SLC8A2: variants seen among roughly 807,000 people sequenced by gnomAD.
SLC8A2 encodes the protein solute carrier family 8 member A2.
In SLC8A2, 14 loss-of-function variants were observed where a neutral mutation model predicts 70.2. That is an observed-to-expected ratio of 0.20 (90% CI 0.13 to 0.31). The LOEUF is 0.31. Among genes scored for constraint, SLC8A2 ranks in the 10% least tolerant of loss-of-function variants. The pLI is 1.00. For synonymous variants in SLC8A2, 575 were observed against 594.3 expected (o/e 0.97, Z 0.47); for missense variants, 779 against 1,320.1 (o/e 0.59, Z 6.35).
At chr19:47,433,274 T>A (rs898895100) in intron 8 of SLC8A2, among the ~76,000 whole-genome samples, 3 of 151,218 alleles carry the variant, frequency 2.0e-5, no homozygotes, top group Non-Finnish European at 3.0e-5. Context: ...CTCCACTAAA[T>A]GTACTCACTT....
rs557452351 is a variant in SLC8A2 at position 47,441,449 on chromosome 19, G to A, written c.1764-9C>T. 5 of 1,564,156 alleles carry A rather than the reference G, an allele frequency of 3.2e-6. No individual in the cohort carries two copies. The highest frequency in any genetic ancestry group is 2.2e-5 in the South Asian group (2 of 89,080). On this transcript the variant is annotated splice_polypyrimidine_tract_variant and intron_variant, in intron 4 of 9. Coordinates refer to ENST00000236877, the MANE Select transcript of SLC8A2 (RefSeq NM_015063.3). ...TCACCTGAAGAGTTTTCCTGTGCAGGGGGTAAGGGGGAGGCAGAACACTCA... is the reference window on the plus strand; with the variant it reads ...TCACCTGAAGAGTTTTCCTGTGCAGAGGGTAAGGGGGAGGCAGAACACTCA...
intron 3 of SLC8A2, among the ~76,000 whole-genome samples, chr19:47,450,865 G>T (rs146274620): frequency 1.3e-5 from 2 of 152,180 alleles, no homozygotes; most frequent in African/African-American, 4.8e-5. Flanking sequence ...ATTGATACAG[G>T]GGAAGCACCC....
In SLC8A2 at chr19:47,466,782, A is replaced by T. The variant is rs1477293144; in HGVS notation, c.-16-363T>A. On this transcript the variant is annotated intron_variant, in intron 1 of 9. Coordinates refer to ENST00000236877, the MANE Select transcript of SLC8A2 (RefSeq NM_015063.3). This position sits in a 1 kb window ranked among gnomAD's most constrained non-coding sequence, Gnocchi z 6.9. ...TAAAAGGACCTACAAGAATGTTCAT[A>T]GCAGGCCGGGTGCGGTGGCTACGCC... Among the ~76,000 whole-genome samples, 1 of 152,192 alleles carries T rather than the reference A, an allele frequency of 6.6e-6. No individual in the cohort carries two copies. Among genetic ancestry groups the T allele is most frequent in the Non-Finnish European group, 1.5e-5 (1 of 68,038 alleles).
chr19:47,453,062 AT>A (rs1235743565), intron 3 of SLC8A2, among the ~76,000 whole-genome samples: 1 of 152,138 alleles, frequency 6.6e-6, no homozygotes, highest in Non-Finnish European at 1.5e-5. Flanking sequence ...AAATGTTAGA[AT>A]TCTAGAATCT....
At chr19:47,434,327 G>T (rs1967000104) in intron 8 of SLC8A2, among the ~76,000 whole-genome samples, 1 of 152,184 alleles carries the variant, frequency 6.6e-6, no homozygotes, top group African/African-American at 2.4e-5. Flanking sequence ...GGCCTCAGCT[G>T]ACTTCCCCAG....
Position 47,468,299 on chromosome 19 carries a change from C to T in SLC8A2, c.-16-1880G>A, listed in dbSNP as rs1967489692. On this transcript the variant is annotated intron_variant, in intron 1 of 9. Coordinates refer to ENST00000236877, the MANE Select transcript of SLC8A2 (RefSeq NM_015063.3). This position sits in a 1 kb window ranked among gnomAD's most constrained non-coding sequence, Gnocchi z 5.1. Reference sequence around the variant, plus strand: ...TTCCCCCTTCCTCGAACACGCTTCTCTATTTATGTATTTTTGAGACGGGAT... The same window carrying T: ...TTCCCCCTTCCTCGAACACGCTTCTTTATTTATGTATTTTTGAGACGGGAT... 6.6e-6 allele frequency among the ~76,000 whole-genome samples: 1 copy of T among 152,110 alleles called. No individual in the cohort carries two copies. The highest frequency in any genetic ancestry group is 2.1e-4 in the South Asian group (1 of 4,820).
intron 4 of SLC8A2, among the ~76,000 whole-genome samples, chr19:47,444,317 A>C (rs1599849132): frequency 6.6e-6 from 1 of 152,160 alleles, no homozygotes. Flanking sequence ...CAAAAGACGC[A>C]TCTCAACACA....
At chr19:47,438,849 A>G (rs1333357387) in intron 6 of SLC8A2, among the ~76,000 whole-genome samples, 1 of 152,124 alleles carries the variant, frequency 6.6e-6, no homozygotes, top group Non-Finnish European at 1.5e-5. Context: ...CCTACACCTG[A>G]CCTCAAACCT....
chr19:47,437,768 T>C (rs1212224028), intron 7 of SLC8A2, 81 bp downstream of exon 7: 21 of 1,552,888 alleles, frequency 1.4e-5, no homozygotes, highest in Non-Finnish European at 1.8e-5. Flanking sequence ...CTTAGGAACC[T>C]TGTGGCTCCC....
chr19:47,437,654 C>T (rs1259583235), intron 7 of SLC8A2, 93 bp from the exon 8 acceptor site: 4 of 1,198,560 alleles, frequency 3.3e-6, no homozygotes, highest in South Asian at 2.5e-5. Flanking sequence ...ACAGCCTGTG[C>T]CCAGGGGTCC....
chr19:47,459,181 C>A (rs749503085), intron 2 of SLC8A2, among the ~76,000 whole-genome samples: 1 of 151,730 alleles, frequency 6.6e-6, no homozygotes, highest in Non-Finnish European at 1.5e-5. Context: ...CCATCTCCCC[C>A]ACATTTCTCT....
intron 3 of SLC8A2, among the ~76,000 whole-genome samples, chr19:47,451,336 T>G (rs1483601339): frequency 6.6e-6 from 1 of 150,604 alleles, no homozygotes; most frequent in Non-Finnish European, 1.5e-5. Flanking sequence ...TGAGACAGGG[T>G]CTTGTTCTGT....
intron 4 of SLC8A2, among the ~76,000 whole-genome samples, chr19:47,442,294 C>T (rs11878777): frequency 0.7 from 106,927 of 151,956 alleles, 39,523 homozygotes; most frequent in Middle Eastern, 0.85. Context: ...CAGTCTGTTC[C>T]TTCAAGAGCA....
intron 4 of SLC8A2, among the ~76,000 whole-genome samples, chr19:47,445,489 C>A (rs736533): frequency 6.6e-6 from 1 of 151,890 alleles, no homozygotes; most frequent in Admixed American, 6.6e-5. Flanking sequence ...CTGTCTTCAG[C>A]TCTCCCTGTG....
intron 7 of SLC8A2, 109 bp downstream of exon 7, chr19:47,437,740 A>C: frequency 7.3e-7 from 1 of 1,364,988 alleles, no homozygotes; most frequent in Non-Finnish European, 1.0e-6. Flanking sequence ...CTGACGTGGG[A>C]CCCTTCTTTG....
intron 4 of SLC8A2, among the ~76,000 whole-genome samples, chr19:47,443,353 T>G (rs549204750): frequency 3.4e-4 from 52 of 151,984 alleles, no homozygotes; most frequent in African/African-American, 1.3e-3. Flanking sequence ...TCCACACCCC[T>G]CGACCCCAAA....
At chr19:47,453,568 G>A (rs987047527) in intron 3 of SLC8A2, among the ~76,000 whole-genome samples, 11 of 152,170 alleles carry the variant, frequency 7.2e-5, no homozygotes, top group African/African-American at 2.7e-4. Context: ...TTAGCCCTTT[G>A]GTTCCAGCAC....
Position 47,429,240 on chromosome 19 carries a change from GTC to G in SLC8A2, c.*847_*848del. On this transcript the variant is annotated 3_prime_UTR_variant, in exon 10 of 10. Coordinates refer to ENST00000236877, the MANE Select transcript of SLC8A2 (RefSeq NM_015063.3). ...GGAGTCTGCTGCCCTCTCAAAAGTT[GTC>G]TGTCACCCCCTTTTCCCAAGACATG... is the stretch of plus-strand genomic sequence containing the variant. 1 of 152,618 alleles carries G rather than the reference GTC, an allele frequency of 6.6e-6. No homozygotes were observed. Among genetic ancestry groups the G allele is most frequent in the Non-Finnish European group, 1.5e-5 (1 of 68,076 alleles). The allele number at this position is 152,618 out of a possible 1,614,324, so 9.5% of individuals were successfully genotyped here. A position where few individuals can be genotyped will look rare whatever the true frequency, so the allele number is the denominator to read the frequency against.
rs1373242103 is a variant in SLC8A2, at chr19:47,471,782, C to A, written c.-17+7G>T. On this transcript the variant is annotated splice_region_variant and intron_variant, in intron 1 of 9. Transcript: ENST00000236877. The stretch of plus-strand genomic sequence containing the variant: ...GCCCCCACCTCCCCACCAATGGGGT[C>A]TCTTACCTGCGGCTACAGCCTGGAG... 2 of 152,058 alleles carry A rather than the reference C, an allele frequency of 1.3e-5. No individual in the cohort carries two copies. The highest frequency in any genetic ancestry group is 2.1e-4 in the South Asian group (1 of 4,806). The allele number at this position is 152,058 out of a possible 1,614,324, so 9.4% of individuals were successfully genotyped here.
Sources: allele counts gnomAD v4.1 joint callset (sites outside exome capture counted in the v4.1 genomes callset), GRCh38; gene constraint gnomAD v4.1.1; non-coding constraint Gnocchi (gnomAD v3.1); transcripts MANE v1.5; gene names NCBI Gene and HGNC (gene_info 2026-07-23, HGNC 2026-07-21).